The following SYT1 variants were observed in gnomAD, a reference collection of about 807,000 sequenced individuals.
SYT1 encodes synaptotagmin 1.
A neutral mutation model predicts 44.8 loss-of-function variants in SYT1; 8 were observed. That is an observed-to-expected ratio of 0.18 (90% CI 0.10 to 0.32). The LOEUF is 0.32. Ranked by LOEUF, SYT1 falls within the 10% of genes least tolerant of loss-of-function variation. The probability of loss-of-function intolerance (pLI) is 1.00; values close to 1 mark genes in which losing one functional copy is unlikely to be tolerated. For missense variants in SYT1, 286 were observed against 509.3 expected (o/e 0.56, Z 4.22); for synonymous variants, 154 against 188.8 (o/e 0.82, Z 1.51).
At chr12:78,967,501 G>A (rs767704549) in intron 1 of SYT1, among the ~76,000 whole-genome samples, 15 of 152,166 alleles carry the variant, frequency 9.9e-5, no homozygotes, top group Non-Finnish European at 1.8e-4. Flanking sequence ...AGAATCAATA[G>A]TATGTGACAA....
chr12:78,967,978 G>A (rs1310934644), intron 1 of SYT1, among the ~76,000 whole-genome samples: 2 of 152,088 alleles, frequency 1.3e-5, no homozygotes, highest in African/African-American at 2.4e-5. Flanking sequence ...AATTGAGAAC[G>A]AGGTATGGGA....
chr12:79,025,663 T>C (rs1251893922), intron 2 of SYT1, among the ~76,000 whole-genome samples: 1 of 151,602 alleles, frequency 6.6e-6, no homozygotes, highest in Non-Finnish European at 1.5e-5. Flanking sequence ...TACATATATA[T>C]TTCTTCTATA....
At chr12:79,136,744 G>C (rs1180540049) in intron 3 of SYT1, among the ~76,000 whole-genome samples, 1 of 151,974 alleles carries the variant, frequency 6.6e-6, no homozygotes, top group Non-Finnish European at 1.5e-5. Context: ...GTTTGATGAA[G>C]TTATTTCATG....
intron 9 of SYT1, among the ~76,000 whole-genome samples, chr12:79,410,676 G>A (rs1868384024): frequency 6.6e-6 from 1 of 151,920 alleles, no homozygotes. Context: ...ATTTTCACTG[G>A]TTTTAAAACT....
chr12:79,094,090 G>A (rs1037505568), intron 3 of SYT1, among the ~76,000 whole-genome samples: 4 of 151,472 alleles, frequency 2.6e-5, no homozygotes, highest in Non-Finnish European at 3.0e-5. Context: ...TAATGTTCCA[G>A]TATTATATCT....
chr12:79,367,315 C>T (rs1340852043), intron 9 of SYT1, among the ~76,000 whole-genome samples: 2 of 152,102 alleles, frequency 1.3e-5, no homozygotes, highest in East Asian at 1.9e-4. Context: ...AATGAACCAC[C>T]GCAAGTTGGA....
chr12:79,395,217 G>T (rs77892307), intron 9 of SYT1, among the ~76,000 whole-genome samples: 6,480 of 151,894 alleles, frequency 0.043, 291 homozygotes, highest in East Asian at 0.16. Context: ...TTGGTTTTTT[G>T]GTTTTTTGGT....
At chr12:79,201,986 A>G (rs1165643605) in intron 3 of SYT1, among the ~76,000 whole-genome samples, 1 of 152,198 alleles carries the variant, frequency 6.6e-6, no homozygotes, top group Non-Finnish European at 1.5e-5. Flanking sequence ...GAATGACTTC[A>G]TATCAGTGAA....
intron 8 of SYT1, among the ~76,000 whole-genome samples, chr12:79,324,248 C>A (rs532277246): frequency 9.9e-5 from 15 of 152,110 alleles, no homozygotes; most frequent in South Asian, 6.2e-4. Flanking sequence ...CCGCGCCTGG[C>A]CTGTTTCCAT....
chr12:79,307,703 G>C (rs1245416406), intron 8 of SYT1, among the ~76,000 whole-genome samples: 1 of 152,196 alleles, frequency 6.6e-6, no homozygotes, highest in Non-Finnish European at 1.5e-5. Context: ...ACCCAGATGG[G>C]GCAGTCTTCT....
intron 1 of SYT1, among the ~76,000 whole-genome samples, chr12:78,907,044 G>T (rs530265755): frequency 6.6e-5 from 10 of 152,188 alleles, no homozygotes; most frequent in Middle Eastern, 3.4e-3. Context: ...ATGGCAAAGT[G>T]TGTTTAGACA....
At chr12:79,411,416 A>C (rs10861987) in intron 9 of SYT1, among the ~76,000 whole-genome samples, 7,879 of 152,202 alleles carry the variant, frequency 0.052, 454 homozygotes, top group East Asian at 0.21. Context: ...CCAGCTAAAA[A>C]TTAGGGTGCT....
chr12:79,043,293 T>A (rs1160437186), intron 2 of SYT1, among the ~76,000 whole-genome samples: 1 of 151,032 alleles, frequency 6.6e-6, no homozygotes, highest in Non-Finnish European at 1.5e-5. Context: ...GGACTTGCTT[T>A]ATGAATCTGG....
intron 3 of SYT1, among the ~76,000 whole-genome samples, chr12:79,139,303 A>G (rs1007037326): frequency 2.6e-5 from 4 of 152,224 alleles, no homozygotes; most frequent in African/African-American, 9.6e-5. Context: ...ACAAAGATCT[A>G]GCAATGAGGG....
chr12:79,339,379 G>T (rs932552413), intron 8 of SYT1, among the ~76,000 whole-genome samples: 18 of 152,188 alleles, frequency 1.2e-4, no homozygotes, highest in African/African-American at 4.3e-4. Context: ...TTGTGAGATA[G>T]TATCTCATTG....
chr12:79,256,780 A>C (rs1181635027), intron 4 of SYT1, among the ~76,000 whole-genome samples: 1 of 152,240 alleles, frequency 6.6e-6, no homozygotes, highest in Non-Finnish European at 1.5e-5. Context: ...CAAGTTAATT[A>C]ATCCATGTTT....
At chr12:78,946,128 T>G (rs1423051339) in intron 1 of SYT1, among the ~76,000 whole-genome samples, 3 of 152,146 alleles carry the variant, frequency 2.0e-5, no homozygotes, top group Non-Finnish European at 2.9e-5. Context: ...TAAATAAAAC[T>G]CCTTTGTTTT....
intron 1 of SYT1, among the ~76,000 whole-genome samples, chr12:78,881,540 G>T (rs1874455634): frequency 6.6e-6 from 1 of 151,686 alleles, no homozygotes; most frequent in African/African-American, 2.4e-5. Context: ...AAGAGAATGA[G>T]TATATTTAGC....
chr12:79,038,430 G>A (rs1283357876), intron 2 of SYT1, among the ~76,000 whole-genome samples: 1 of 151,696 alleles, frequency 6.6e-6, no homozygotes, highest in African/African-American at 2.4e-5. Flanking sequence ...TTGCCATACA[G>A]TGCTTTATTT....
Sources: gnomAD v4.1 joint callset for allele counts (sites outside exome capture counted in the v4.1 genomes callset) on GRCh38, gnomAD v4.1.1 for gene constraint, MANE v1.5 for transcripts, NCBI Gene and HGNC (gene_info 2026-07-23, HGNC 2026-07-21) for gene names.